The following EXOC4 variants were observed in gnomAD, a reference collection of about 807,000 sequenced individuals.
The protein encoded by EXOC4 is SEC8-like 1.
In EXOC4, 71 loss-of-function variants were observed where a neutral mutation model predicts 107.2. The ratio of observed to expected loss-of-function variants is 0.66; its 90% CI spans 0.55 to 0.81. The LOEUF (loss-of-function observed/expected upper bound fraction) is 0.81, where lower values mean the gene tolerates loss of function less well. Ranked by LOEUF, EXOC4 falls within the 30% of genes least tolerant of loss-of-function variation. The pLI is 0.00. For missense variants in EXOC4, 1,108 were observed against 1,189.6 expected (o/e 0.93, Z 1.01); for synonymous variants, 456 against 441.2 (o/e 1.03, Z -0.42).
chr7:133,949,747 T>C (rs1043660840), intron 14 of EXOC4, among the ~76,000 whole-genome samples: 1 of 147,234 alleles, frequency 6.8e-6, no homozygotes, highest in Non-Finnish European at 1.5e-5. Flanking sequence ...CATTATTTAG[T>C]GTTTGCTAAG....
At chr7:133,992,547 T>G (rs1794289363) in intron 14 of EXOC4, among the ~76,000 whole-genome samples, 1 of 152,032 alleles carries the variant, frequency 6.6e-6, no homozygotes, top group Non-Finnish European at 1.5e-5. Flanking sequence ...GCTCCCAAAG[T>G]GCTGGGATTA....
intron 14 of EXOC4, among the ~76,000 whole-genome samples, chr7:133,977,741 TGTGTG>T (rs1563078288): frequency 7.5e-4 from 113 of 150,212 alleles, no homozygotes; most frequent in Middle Eastern, 3.4e-3. Flanking sequence ...TGTTGTTTTG[TGTGTG>T]TGTGTGTGTG....
rs1322098065 is a variant in EXOC4 at position 133,759,158 on chromosome 7, T to G, written c.1515-58167T>G. 5.3e-5 allele frequency among the ~76,000 whole-genome samples: 8 copies of G among 152,002 alleles called. No homozygotes were observed. The East Asian group carries it at 1.2e-3, about 22-fold the overall frequency. On this transcript the variant is annotated intron_variant, in intron 10 of 17. Coordinates refer to ENST00000253861, the MANE Select transcript of EXOC4 (RefSeq NM_021807.4). ...CCAACAAAAGAATTTTTTTTTTTTT[T>G]TTTTGTTAGAGATGGTATCTCACTT...
chr7:134,028,984 G>A (rs147732412), intron 17 of EXOC4, among the ~76,000 whole-genome samples: 226 of 152,304 alleles, frequency 1.5e-3, no homozygotes, highest in African/African-American at 4.9e-3. Flanking sequence ...GCCCCTTCAG[G>A]GGTCTTTCTG....
chr7:133,952,193 T>C (rs1017459741), intron 14 of EXOC4, among the ~76,000 whole-genome samples: 1 of 151,642 alleles, frequency 6.6e-6, no homozygotes, highest in Non-Finnish European at 1.5e-5. Context: ...AGCTGTTGAA[T>C]TGTGGCTTCA....
intron 7 of EXOC4, among the ~76,000 whole-genome samples, chr7:133,469,185 A>G (rs1798809159): frequency 6.6e-6 from 1 of 152,162 alleles, no homozygotes; most frequent in Non-Finnish European, 1.5e-5. Flanking sequence ...TGGGAGGCTG[A>G]GGCAGGTGGA....
intron 7 of EXOC4, among the ~76,000 whole-genome samples, chr7:133,450,375 C>G (rs1798314594): frequency 6.6e-6 from 1 of 152,126 alleles, no homozygotes; most frequent in Non-Finnish European, 1.5e-5. Flanking sequence ...CTTGCCCAGT[C>G]TGATCTTGAA....
chr7:133,571,674 C>T (rs1336728866), intron 9 of EXOC4, among the ~76,000 whole-genome samples: 1 of 102,212 alleles, frequency 9.8e-6, no homozygotes, highest in South Asian at 3.1e-4. Context: ...GACTTTGCCT[C>T]AAAGCAAAAA....
At chr7:133,291,134 G>T (rs540098074) in intron 3 of EXOC4, 1 of 152,056 alleles carries the variant, frequency 6.6e-6, no homozygotes, top group Non-Finnish European at 1.5e-5. Flanking sequence ...GGCAGGGGGC[G>T]TGGTATAGGG....
intron 11 of EXOC4, among the ~76,000 whole-genome samples, chr7:133,857,959 C>T (rs1029202330): frequency 1.3e-5 from 2 of 152,118 alleles, no homozygotes; most frequent in Admixed American, 6.5e-5. Context: ...TGCTGCTTCC[C>T]GTCACATGGG....
intron 7 of EXOC4, among the ~76,000 whole-genome samples, chr7:133,425,472 A>C (rs1205344636): frequency 6.6e-6 from 1 of 152,098 alleles, no homozygotes; most frequent in Non-Finnish European, 1.5e-5. Context: ...GTTTTAGTAG[A>C]GACGGGGTAT....
At position 133,768,817 on chromosome 7, in the gene EXOC4, T is replaced by G. The variant is rs146190647; in HGVS notation, c.1515-48508T>G. ...CCTTCTTCTCAGAGAGCCCATGGTC[T>G]AGTGAAGGAGTCAGATGAGTAAGTA... On this transcript the variant is annotated intron_variant, in intron 10 of 17. Coordinates refer to ENST00000253861, the MANE Select transcript of EXOC4 (RefSeq NM_021807.4). Among the ~76,000 whole-genome samples the G allele has an allele frequency of 1.8e-4, 28 of 152,050 alleles. No homozygotes were observed. The East Asian group carries it at 4.6e-3, about 25-fold the overall frequency.
intron 11 of EXOC4, among the ~76,000 whole-genome samples, chr7:133,861,054 A>G (rs1403135449): frequency 5.3e-5 from 8 of 152,168 alleles, no homozygotes; most frequent in Admixed American, 3.3e-4. Context: ...CACCTCCTTA[A>G]CAAAACAACC....
At chr7:134,054,703 G>C (rs1585357187) in intron 17 of EXOC4, among the ~76,000 whole-genome samples, 1 of 152,138 alleles carries the variant, frequency 6.6e-6, no homozygotes, top group Non-Finnish European at 1.5e-5. Flanking sequence ...TAGCCATTCA[G>C]AATAAATTCA....
intron 14 of EXOC4, among the ~76,000 whole-genome samples, chr7:133,949,722 A>G (rs988926969): frequency 6.6e-6 from 1 of 152,224 alleles, no homozygotes; most frequent in African/African-American, 2.4e-5. Context: ...CATGCCGGAC[A>G]GTCTCTGCAT....
At chr7:133,293,353 A>G (rs1794448972) in intron 3 of EXOC4, among the ~76,000 whole-genome samples, 1 of 152,184 alleles carries the variant, frequency 6.6e-6, no homozygotes, top group Non-Finnish European at 1.5e-5. Flanking sequence ...ATGGTTATGT[A>G]CTGTTAGAAG....
At chr7:133,864,019 T>C (rs1164455851) in intron 11 of EXOC4, among the ~76,000 whole-genome samples, 1 of 152,188 alleles carries the variant, frequency 6.6e-6, no homozygotes. Flanking sequence ...CTTATTCTCA[T>C]CATCATCATC....
intron 9 of EXOC4, among the ~76,000 whole-genome samples, chr7:133,617,249 A>C (rs1802215087): frequency 6.6e-6 from 1 of 152,334 alleles, no homozygotes; most frequent in African/African-American, 2.4e-5. Context: ...CCATAAAAAC[A>C]GTAATAGTAT....
At chr7:133,289,234 T>G in intron 3 of EXOC4, 118 bp downstream of exon 3, 1 of 814,282 alleles carries the variant, frequency 1.2e-6, no homozygotes, top group Non-Finnish European at 1.9e-6. Context: ...TTGGGATTCA[T>G]GAGCCCTTGA....
Sources: gnomAD v4.1 joint callset for allele counts (sites outside exome capture counted in the v4.1 genomes callset) on GRCh38, gnomAD v4.1.1 for gene constraint, MANE v1.5 for transcripts, NCBI Gene and HGNC (gene_info 2026-07-23, HGNC 2026-07-21) for gene names.